TCF7L2: variants seen among roughly 807,000 people sequenced by gnomAD.
TCF7L2 encodes the protein transcription factor 7 like 2.
A neutral mutation model predicts 77.9 loss-of-function variants in TCF7L2; 23 were observed. The ratio of observed to expected loss-of-function variants is 0.30; its 90% CI spans 0.21 to 0.42. The LOEUF is 0.42. TCF7L2 is among the 10% of genes least tolerant of loss of function. The pLI is 1.00. For synonymous variants in TCF7L2, 413 were observed against 340.2 expected (o/e 1.21, Z -2.36); for missense variants, 654 against 793.1 (o/e 0.82, Z 2.11).
At chr10:113,065,035 C>A (rs550992553) in intron 5 of TCF7L2, among the ~76,000 whole-genome samples, 21 of 152,226 alleles carry the variant, frequency 1.4e-4, no homozygotes, top group Non-Finnish European at 7.4e-5. Flanking sequence ...ATGGTGGGAT[C>A]ATCCCATTCC....
intron 12 of TCF7L2, 23 bp from the exon 14 acceptor site, chr10:113,159,897 G>T (rs112338638): frequency 2.1e-6 from 3 of 1,458,652 alleles, no homozygotes; most frequent in Non-Finnish European, 9.1e-7. Context: ...TCCTCTGCTC[G>T]CTTCTCTCTT....
chr10:113,142,749 A>G (rs1271143226), intron 6 of TCF7L2, among the ~76,000 whole-genome samples: 2 of 152,214 alleles, frequency 1.3e-5, no homozygotes, highest in African/African-American at 2.4e-5. Context: ...GGCAGCGTCA[A>G]CGTCTCATTT....
intron 5 of TCF7L2, among the ~76,000 whole-genome samples, chr10:113,067,765 CA>C (rs1260840234): frequency 2.0e-5 from 3 of 151,912 alleles, no homozygotes; most frequent in Non-Finnish European, 4.4e-5. Flanking sequence ...CATGGTTGAA[CA>C]TTTTTTTTTT....
intron 11 of TCF7L2, 159 bp from the exon 12 acceptor site, chr10:113,157,862 C>A: frequency 1.4e-6 from 1 of 690,240 alleles, no homozygotes; most frequent in Non-Finnish European, 2.5e-6. Flanking sequence ...GGGCATTTGG[C>A]TTGAAGCGGG....
intron 5 of TCF7L2, among the ~76,000 whole-genome samples, chr10:113,062,064 C>G (rs1403966705): frequency 6.6e-6 from 1 of 152,108 alleles, no homozygotes; most frequent in Admixed American, 6.5e-5. Flanking sequence ...GTGTAGAGAG[C>G]AAAAGTGTGA....
At chr10:113,038,491 T>A (rs1195436451) in intron 4 of TCF7L2, among the ~76,000 whole-genome samples, 1 of 152,198 alleles carries the variant, frequency 6.6e-6, no homozygotes, top group Non-Finnish European at 1.5e-5. Context: ...TAACCAAATT[T>A]GGTTTGAATT....
intron 5 of TCF7L2, among the ~76,000 whole-genome samples, chr10:113,073,071 G>T (rs1270944519): frequency 6.7e-6 from 1 of 148,434 alleles, no homozygotes; most frequent in Non-Finnish European, 1.5e-5. Context: ...CTGGTGGCCA[G>T]CCATGTGTAC....
chr10:113,082,168 C>G (rs2059377464), intron 5 of TCF7L2, among the ~76,000 whole-genome samples: 1 of 148,670 alleles, frequency 6.7e-6, no homozygotes, highest in Non-Finnish European at 1.5e-5. Flanking sequence ...GTTAATATCT[C>G]AAGTTCAGAT....
chr10:113,097,118 T>C (rs556733522), intron 5 of TCF7L2, among the ~76,000 whole-genome samples: 1 of 152,082 alleles, frequency 6.6e-6, no homozygotes, highest in African/African-American at 2.4e-5. Flanking sequence ...GGAGGGGTCC[T>C]GCACACTCTG....
chr10:113,148,840 G>A (rs140225005), intron 8 of TCF7L2, among the ~76,000 whole-genome samples: 2,372 of 152,254 alleles, frequency 0.016, 22 homozygotes, highest in Non-Finnish European at 0.021. Context: ...GAATATACGC[G>A]TAGGTATGGG....
chr10:112,964,778 A>ATGGTGGTGGTGGTGATGG lies in TCF7L2; in HGVS notation c.450+169_450+186dup, dbSNP rs1564719104. On this transcript the variant is annotated intron_variant, in intron 4 of 13. Coordinates refer to ENST00000627217, the MANE Select transcript of TCF7L2 (RefSeq NM_001146274.2). ...GGTGGTGATGGTGGTGGTGGTGGTG[A>ATGGTGGTGGTGGTGATGG]TGGTGGTGGTGGTGATGGTGGTGGT... Among the ~76,000 whole-genome samples the ATGGTGGTGGTGGTGATGG allele has an allele frequency of 6.1e-3, 490 of 80,088 alleles. 6 individuals carry two copies. The highest frequency in any genetic ancestry group is 0.019 in the Middle Eastern group (3 of 156). 52.5% of individuals were successfully genotyped at this position (80,088 alleles called of 152,430 possible). A position where few individuals can be genotyped will look rare whatever the true frequency, so the allele number is the denominator to read the frequency against.
At chr10:113,149,071 G>A (rs2070159240) in intron 8 of TCF7L2, among the ~76,000 whole-genome samples, 1 of 152,170 alleles carries the variant, frequency 6.6e-6, no homozygotes, top group South Asian at 2.1e-4. Flanking sequence ...TTTGAGGAAT[G>A]TCAGGCCTTC....
rs1315282365 is a variant in TCF7L2 at position 113,150,847 on chromosome 10, G to A, written c.876-151G>A. 2.9e-5 allele frequency: 26 copies of A among 910,866 alleles called. No homozygotes were observed. The Middle Eastern group carries it at 1.1e-3, about 40-fold the overall frequency. The allele number at this position is 910,866 out of a possible 1,614,324, so 56.4% of individuals were successfully genotyped here. A position where few individuals can be genotyped will look rare whatever the true frequency, so the allele number is the denominator to read the frequency against. On this transcript the variant is annotated intron_variant, in intron 8 of 13. Coordinates refer to ENST00000627217, the MANE Select transcript of TCF7L2 (RefSeq NM_001146274.2). ...TGAGAATCATTATGTTTAATTTATC[G>A]CTAATTAATGCTGACAGGTTTCATA...
At chr10:113,037,883 G>A (rs139419290) in intron 4 of TCF7L2, among the ~76,000 whole-genome samples, 3 of 152,286 alleles carry the variant, frequency 2.0e-5, no homozygotes, top group African/African-American at 7.2e-5. Context: ...GAGTGTTGGT[G>A]GGTGTCCATT....
At chr10:113,129,158 A>G (rs1463232464) in intron 5 of TCF7L2, 2 of 246,544 alleles carry the variant, frequency 8.1e-6, no homozygotes, top group Admixed American at 6.5e-5. Flanking sequence ...AAGGCCCTGC[A>G]AAGTGTCACT....
rs550664811 is a variant in TCF7L2 at position 113,032,237 on chromosome 10, G to A, written c.451-7788G>A. On this transcript the variant is annotated intron_variant, in intron 4 of 13. Transcript: ENST00000627217. ...TGGTGAAATTCCATACCGATTGTCC[G>A]TGTGTGAGCTGCTGTACCATAGCCT... Among the ~76,000 whole-genome samples the A allele has an allele frequency of 5.9e-5, 9 of 152,324 alleles. No homozygotes were observed. The South Asian group carries it at 8.3e-4, about 14-fold the overall frequency.
intron 5 of TCF7L2, among the ~76,000 whole-genome samples, chr10:113,136,119 C>A (rs2067352337): frequency 6.6e-6 from 1 of 152,180 alleles, no homozygotes; most frequent in Non-Finnish European, 1.5e-5. Context: ...AAAAAAATAT[C>A]TTTACCTACC....
rs1401317770 is a variant in TCF7L2 at position 112,951,116 on chromosome 10, C to A, written c.190-91C>A. ...TGTAACCCTGTTTTTTTCTACCCCCCCCTCGACCTCGCCGATTCTTTTTCT... is the reference window on the plus strand; with the variant it reads ...TGTAACCCTGTTTTTTTCTACCCCCACCTCGACCTCGCCGATTCTTTTTCT... On this transcript the variant is annotated intron_variant, in intron 1 of 13. Coordinates refer to ENST00000627217, the MANE Select transcript of TCF7L2 (RefSeq NM_001146274.2). 2.0e-5 allele frequency: 26 copies of A among 1,296,416 alleles called. No homozygotes were observed. In the East Asian group the frequency reaches 6.1e-4, roughly 30 times the overall value. 80.3% of individuals were successfully genotyped at this position (1,296,416 alleles called of 1,614,324 possible).
At chr10:112,997,010 T>C (rs1480502706) in intron 4 of TCF7L2, among the ~76,000 whole-genome samples, 1 of 152,198 alleles carries the variant, frequency 6.6e-6, no homozygotes. Flanking sequence ...GAATTCTAAG[T>C]GGTTCCAGGG....
Sources: gnomAD v4.1 joint callset for allele counts (sites outside exome capture counted in the v4.1 genomes callset) on GRCh38, gnomAD v4.1.1 for gene constraint, MANE v1.5 for transcripts, NCBI Gene and HGNC (gene_info 2026-07-23, HGNC 2026-07-21) for gene names.